Variants in ELMO1 observed in about 807,000 individuals in gnomAD.
ELMO1 encodes the protein engulfment and cell motility protein 1.
A neutral mutation model predicts 98.9 loss-of-function variants in ELMO1; 26 were observed. The ratio of observed to expected loss-of-function variants is 0.26; its 90% CI spans 0.19 to 0.36. The LOEUF (loss-of-function observed/expected upper bound fraction) is 0.36. Ranked by LOEUF, ELMO1 falls within the 10% of genes least tolerant of loss-of-function variation. ELMO1 has a pLI of 1.00. For synonymous variants in ELMO1, 346 were observed against 346.0 expected (o/e 1.00, Z 0.00); for missense variants, 627 against 935.2 (o/e 0.67, Z 4.30).
rs143319650 is a variant in ELMO1, at chr7:36,983,142, G to T, written c.1437+30157C>A. ...AAGCAAAGGGCAGCCATGGGACACT[G>T]GTGACCTGTCACCTCTCCCAGATGG... On this transcript the variant is annotated intron_variant, in intron 16 of 21. Coordinates refer to ENST00000310758, the MANE Select transcript of ELMO1 (RefSeq NM_014800.11). Among the ~76,000 whole-genome samples, 24 of 152,308 alleles carry T rather than the reference G, an allele frequency of 1.6e-4. No individual in the cohort carries two copies. In the East Asian group the frequency reaches 3.1e-3, roughly 20 times the overall value.
chr7:37,229,333 T>C (rs1303098899), intron 8 of ELMO1, among the ~76,000 whole-genome samples: 1 of 152,184 alleles, frequency 6.6e-6, no homozygotes, highest in Non-Finnish European at 1.5e-5. Flanking sequence ...TCTCCCTAAG[T>C]AGCCGAGTCT....
intron 13 of ELMO1, among the ~76,000 whole-genome samples, chr7:37,156,109 A>T (rs1024157080): frequency 6.6e-6 from 1 of 152,206 alleles, no homozygotes; most frequent in African/African-American, 2.4e-5. Flanking sequence ...AGAAATAAAG[A>T]TGTTCTTTGA....
chr7:37,254,276 G>A lies in ELMO1; in HGVS notation c.413+4905C>T, dbSNP rs547997231. Among the ~76,000 whole-genome samples the A allele has an allele frequency of 5.3e-5, 8 of 152,314 alleles. No individual in the cohort carries two copies. The South Asian group carries it at 1.5e-3, about 28-fold the overall frequency. On this transcript the variant is annotated intron_variant, in intron 6 of 21. Coordinates refer to ENST00000310758, the MANE Select transcript of ELMO1 (RefSeq NM_014800.11). ...TTCCTTCCCACGAACATAGTGTGAT[G>A]GGAAAGTATAAGAGACAAATGCAAA...
chr7:36,931,316 C>T (rs1366449965), intron 16 of ELMO1, among the ~76,000 whole-genome samples: 1 of 152,198 alleles, frequency 6.6e-6, no homozygotes, highest in Non-Finnish European at 1.5e-5. Flanking sequence ...ACCTCAGTTT[C>T]AGGCCAGGCA....
At chr7:37,223,286 T>A (rs369346539) in intron 9 of ELMO1, among the ~76,000 whole-genome samples, 9 of 152,154 alleles carry the variant, frequency 5.9e-5, no homozygotes, top group African/African-American at 2.2e-4. Context: ...AAACAGTAAA[T>A]AAGGAGGACT....
intron 15 of ELMO1, among the ~76,000 whole-genome samples, chr7:37,043,756 A>G (rs1254803362): frequency 6.6e-6 from 1 of 151,972 alleles, no homozygotes; most frequent in Non-Finnish European, 1.5e-5. Context: ...GAGAGTTTGG[A>G]ACTTGTGGCA....
At chr7:37,443,143 TTA>T (rs1289508131) in intron 1 of ELMO1, among the ~76,000 whole-genome samples, 2 of 152,148 alleles carry the variant, frequency 1.3e-5, no homozygotes, top group Non-Finnish European at 2.9e-5. Flanking sequence ...AGAGAATGCT[TTA>T]TAGGGCTTAC....
Position 37,342,395 on chromosome 7 carries a change from C to T in ELMO1, c.78+218G>A, listed in dbSNP as rs897739804. ...TCCTTCCTAGCTTCAGACACAAATC[C>T]TGTATTGACACAATCCAAGTGGATG... On this transcript the variant is annotated intron_variant, in intron 2 of 21. Transcript: ENST00000310758. The surrounding 1 kb of genome is among the most constrained non-coding windows in gnomAD (Gnocchi z 4.3). 5.3e-5 allele frequency among the ~76,000 whole-genome samples: 8 copies of T among 152,302 alleles called. No individual in the cohort carries two copies. The highest frequency in any genetic ancestry group is 1.0e-4 in the Non-Finnish European group (7 of 68,026).
At chr7:36,858,122 A>T (rs1802347128) in intron 21 of ELMO1, among the ~76,000 whole-genome samples, 1 of 152,232 alleles carries the variant, frequency 6.6e-6, no homozygotes, top group Non-Finnish European at 1.5e-5. Flanking sequence ...ACTATTTTGA[A>T]AACTGGTAAA....
intron 1 of ELMO1, among the ~76,000 whole-genome samples, chr7:37,415,700 G>GA (rs1410382904): frequency 2.6e-5 from 4 of 152,094 alleles, no homozygotes; most frequent in African/African-American, 9.7e-5. Flanking sequence ...ATTAATGCAT[G>GA]AAAAAATGTA....
chr7:36,895,004 A>C lies in ELMO1; in HGVS notation c.1451T>G (p.Val484Gly). 1 of 1,613,572 alleles carries C rather than the reference A, an allele frequency of 6.2e-7. No homozygotes were observed. The highest frequency in any genetic ancestry group is 8.5e-7 in the Non-Finnish European group (1 of 1,179,914). ...SEDFNKVMQV[V>G]KEQVMRALTT... ...AAGTGCTCTCATAACCTGCTCCTTC[A>C]CCACCTGCATTACCTGAAGATGAAA... Residue 484 changes from valine (V) to glycine (G), a missense_variant, in exon 17 of 22, where the codon GTG becomes GGG. Physicochemically the swap from Val to Gly is moderately radical, Grantham distance 109. Coordinates refer to ENST00000310758, the MANE Select transcript of ELMO1 (RefSeq NM_014800.11).
chr7:37,428,076 CGTT>C (rs1804784078), intron 1 of ELMO1, among the ~76,000 whole-genome samples: 1 of 150,686 alleles, frequency 6.6e-6, no homozygotes, highest in African/African-American at 2.5e-5. Flanking sequence ...TGCACACACA[CGTT>C]GGAGGGGAAC....
At chr7:37,322,507 C>G (rs566868548) in intron 2 of ELMO1, among the ~76,000 whole-genome samples, 1 of 151,692 alleles carries the variant, frequency 6.6e-6, no homozygotes, top group South Asian at 2.1e-4. Context: ...CTCCTATTGA[C>G]TTGGGAAGCT....
At chr7:37,081,173 GA>G (rs1317043603) in intron 15 of ELMO1, among the ~76,000 whole-genome samples, 1 of 151,576 alleles carries the variant, frequency 6.6e-6, no homozygotes, top group Admixed American at 6.6e-5. Flanking sequence ...CTCTTTATAA[GA>G]AAAAAAATTG....
chr7:36,894,934 C>T lies in ELMO1; in HGVS notation c.1521G>A (p.Gln507=). The T allele has an allele frequency of 3.7e-6, 6 of 1,614,152 alleles. No homozygotes were observed. Among genetic ancestry groups the T allele is most frequent in the Non-Finnish European group, 5.1e-6 (6 of 1,180,010 alleles). Residue 507 remains glutamine (Q), a synonymous_variant, in exon 17 of 22, where the codon CAG becomes CAA. Coordinates refer to ENST00000310758, the MANE Select transcript of ELMO1 (RefSeq NM_014800.11). ...SSLDQFKSKL[Q]NLSYTEILKI... The stretch of plus-strand genomic sequence containing the variant: ...TCAGGATCTCAGTGTAGCTCAGGTT[C>T]TGCAGTTTGCTCTTGAACTGGTCCA...
intron 16 of ELMO1, among the ~76,000 whole-genome samples, chr7:36,917,570 T>C (rs565971475): frequency 1.3e-5 from 2 of 152,274 alleles, no homozygotes; most frequent in South Asian, 2.1e-4. Flanking sequence ...GAGATAAGAA[T>C]TGAAACAATT....
At chr7:36,981,739 A>C (rs1791070907) in intron 16 of ELMO1, among the ~76,000 whole-genome samples, 1 of 152,194 alleles carries the variant, frequency 6.6e-6, no homozygotes, top group South Asian at 2.1e-4. Context: ...AGGAAACAGC[A>C]TACTGTTTTA....
At chr7:37,062,720 G>C (rs1242950632) in intron 15 of ELMO1, among the ~76,000 whole-genome samples, 1 of 152,148 alleles carries the variant, frequency 6.6e-6, no homozygotes, top group Admixed American at 6.5e-5. Context: ...TTGCCTCCTG[G>C]ACCTGGTAAA....
intron 13 of ELMO1, among the ~76,000 whole-genome samples, chr7:37,198,241 A>G (rs1248795932): frequency 6.6e-6 from 1 of 152,156 alleles, no homozygotes; most frequent in Non-Finnish European, 1.5e-5. Context: ...CACTCCTGAC[A>G]ATTAACTGTT....
Sources: allele counts gnomAD v4.1 joint callset (sites outside exome capture counted in the v4.1 genomes callset), GRCh38; gene constraint gnomAD v4.1.1; non-coding constraint Gnocchi (gnomAD v3.1); transcripts MANE v1.5; gene names NCBI Gene and HGNC (gene_info 2026-07-23, HGNC 2026-07-21).